FILIP1L: variants seen among roughly 807,000 people sequenced by gnomAD.
FILIP1L encodes the protein filamin A-interacting protein 1-like.
In FILIP1L, 55 loss-of-function variants were observed where a neutral mutation model predicts 96.6. The ratio of observed to expected loss-of-function variants is 0.57; its 90% CI spans 0.46 to 0.71. FILIP1L has a LOEUF of 0.71. Ranked by LOEUF, FILIP1L falls within the 30% of genes least tolerant of loss-of-function variation. The probability of loss-of-function intolerance (pLI) is 0.00; values close to 1 mark genes in which losing one functional copy is unlikely to be tolerated. For missense variants in FILIP1L, 1,304 were observed against 1,321.2 expected, an observed-to-expected ratio of 0.99 and a Z score of 0.20; for synonymous variants, 467 against 473.9, an observed-to-expected ratio of 0.99 and a Z score of 0.19.
At chr3:99,903,861 A>T (rs562736850) in intron 4 of FILIP1L, among the ~76,000 whole-genome samples, 2 of 152,250 alleles carry the variant, frequency 1.3e-5, no homozygotes, top group African/African-American at 4.8e-5. Context: ...GAAATAATAG[A>T]GCTGTCGTCC....
chr3:99,888,471 A>G (rs980100325), intron 4 of FILIP1L, among the ~76,000 whole-genome samples: 5 of 152,256 alleles, frequency 3.3e-5, no homozygotes, highest in African/African-American at 1.2e-4. Flanking sequence ...GTGGCTGGGT[A>G]AAGATCTCCC....
intron 4 of FILIP1L, among the ~76,000 whole-genome samples, chr3:99,893,525 A>G (rs1432526911): frequency 6.6e-6 from 1 of 152,274 alleles, no homozygotes; most frequent in East Asian, 1.9e-4. Context: ...TGTTCATTTT[A>G]TAGAATTTGA....
intron 5 of FILIP1L, chr3:99,833,265 G>A (rs768831060): frequency 6.2e-7 from 1 of 1,609,770 alleles, no homozygotes; most frequent in Non-Finnish European, 8.5e-7. Context: ...GTTCCACCTA[G>A]GGAGCAGTAG....
chr3:100,085,919 G>A (rs1576038856), intron 1 of FILIP1L, among the ~76,000 whole-genome samples: 1 of 152,286 alleles, frequency 6.6e-6, no homozygotes, highest in East Asian at 1.9e-4. Flanking sequence ...CTTAGCTCTG[G>A]GTTAGATTCT....
chr3:100,045,942 G>A (rs2065272488), intron 1 of FILIP1L, among the ~76,000 whole-genome samples: 1 of 152,250 alleles, frequency 6.6e-6, no homozygotes, highest in Non-Finnish European at 1.5e-5. Context: ...GGCGGAGCTG[G>A]GGTGGATGAG....
chr3:99,940,623 A>G (rs1258541357), intron 1 of FILIP1L, among the ~76,000 whole-genome samples: 1 of 152,172 alleles, frequency 6.6e-6, no homozygotes, highest in Admixed American at 6.5e-5. Flanking sequence ...TCATAGGCCA[A>G]CCCCTGTTTC....
intron 1 of FILIP1L, among the ~76,000 whole-genome samples, chr3:99,988,954 C>T (rs558602966): frequency 6.6e-6 from 1 of 152,172 alleles, no homozygotes; most frequent in Non-Finnish European, 1.5e-5. Flanking sequence ...ACGGAATTAT[C>T]AGAAGTGTAG....
intron 4 of FILIP1L, among the ~76,000 whole-genome samples, chr3:99,863,115 T>C (rs1412125075): frequency 1.3e-5 from 2 of 152,130 alleles, no homozygotes; most frequent in African/African-American, 4.8e-5. Flanking sequence ...TCCATGGACA[T>C]GGGAGAGGGT....
At chr3:99,934,989 T>G (rs1352353986) in intron 1 of FILIP1L, among the ~76,000 whole-genome samples, 1 of 152,144 alleles carries the variant, frequency 6.6e-6, no homozygotes, top group African/African-American at 2.4e-5. Flanking sequence ...AGACTTCTGG[T>G]CTACTGAGGA....
chr3:100,032,766 C>T (rs1042122076), intron 1 of FILIP1L, among the ~76,000 whole-genome samples: 1 of 152,120 alleles, frequency 6.6e-6, no homozygotes, highest in Admixed American at 6.6e-5. Context: ...ATAACAATTG[C>T]ATAAATGGTA....
At chr3:99,890,556 C>T (rs974779376) in intron 4 of FILIP1L, among the ~76,000 whole-genome samples, 1 of 152,110 alleles carries the variant, frequency 6.6e-6, no homozygotes, top group Non-Finnish European at 1.5e-5. Context: ...ATCTGTTTGG[C>T]TTTCCAGACT....
intron 2 of FILIP1L, among the ~76,000 whole-genome samples, chr3:99,930,332 G>A (rs539974083): frequency 1.3e-5 from 2 of 152,106 alleles, no homozygotes; most frequent in African/African-American, 4.8e-5. Flanking sequence ...TTTTCAGGGG[G>A]TAGGAAATAA....
chr3:99,865,592 T>G (rs1944473731), intron 4 of FILIP1L, among the ~76,000 whole-genome samples: 1 of 152,142 alleles, frequency 6.6e-6, no homozygotes, highest in African/African-American at 2.4e-5. Context: ...TTGGATGGTT[T>G]AAAAAATTGT....
At chr3:99,993,945 C>T (rs1038512680) in intron 1 of FILIP1L, among the ~76,000 whole-genome samples, 1 of 151,992 alleles carries the variant, frequency 6.6e-6, no homozygotes, top group Non-Finnish European at 1.5e-5. Context: ...CAGTGTGTGT[C>T]CTTGTCTGAT....
intron 1 of FILIP1L, among the ~76,000 whole-genome samples, chr3:99,967,957 G>A (rs142331960): frequency 6.6e-6 from 1 of 152,308 alleles, no homozygotes; most frequent in East Asian, 1.9e-4. Context: ...AAGCATCACA[G>A]TACTTCAGCA....
chr3:100,036,535 A>C (rs2065111005), intron 1 of FILIP1L, among the ~76,000 whole-genome samples: 1 of 152,218 alleles, frequency 6.6e-6, no homozygotes, highest in African/African-American at 2.4e-5. Context: ...TAGATACTAC[A>C]TGTGTAAGAA....
intron 4 of FILIP1L, among the ~76,000 whole-genome samples, chr3:99,911,982 C>A (rs1706804063): frequency 6.6e-6 from 1 of 151,896 alleles, no homozygotes. Flanking sequence ...AGTTCCAAGT[C>A]TTTATTCTTT....
intron 4 of FILIP1L, among the ~76,000 whole-genome samples, chr3:99,916,288 G>A (rs1706947020): frequency 6.6e-6 from 1 of 150,868 alleles, no homozygotes; most frequent in African/African-American, 2.4e-5. Context: ...GCTTTAGATT[G>A]GGAATAGAAT....
chr3:100,070,608 T>A (rs2065745026), intron 1 of FILIP1L, among the ~76,000 whole-genome samples: 1 of 152,154 alleles, frequency 6.6e-6, no homozygotes, highest in African/African-American at 2.4e-5. Context: ...AGACTTCATA[T>A]CATCGTGGGG....
Sources: allele counts gnomAD v4.1 joint callset (sites outside exome capture counted in the v4.1 genomes callset), GRCh38; gene constraint gnomAD v4.1.1; transcripts MANE v1.5; gene names NCBI Gene and HGNC (gene_info 2026-07-23, HGNC 2026-07-21).